Variants in PCDHA6 observed in about 807,000 individuals in gnomAD.
PCDHA6 encodes protocadherin alpha-6.
PCDHA6 carries 55 observed loss-of-function variants against 60.3 expected under a neutral mutation model. That is an observed-to-expected ratio of 0.91 (90% confidence interval 0.73 to 1.14). PCDHA6 has a LOEUF of 1.14. PCDHA6 is among the 50% of genes most tolerant of loss of function. The pLI is 0.00. For missense variants in PCDHA6, 1,327 were observed against 1,256.5 expected, an observed-to-expected ratio of 1.06 and a Z score of -0.85; for synonymous variants, 652 against 557.9, an observed-to-expected ratio of 1.17 and a Z score of -2.38.
At chr5:140,968,886 A>G in intron 1 of PCDHA6, 1 of 1,614,186 alleles carries the variant, frequency 6.2e-7, no homozygotes, top group Non-Finnish European at 8.5e-7. Context: ...ATTACCCTTT[A>G]TCTAATAATA....
rs782079622 is a variant in PCDHA6, at chr5:140,830,671, A to T, written c.2394+186A>T. On this transcript the variant is annotated intron_variant, in intron 1 of 3. Coordinates refer to ENST00000529310, the MANE Select transcript of PCDHA6 (RefSeq NM_018909.4). ...TAATATTCATAATTTAAGTGAAATTAGAAATCACTGTCCACAATCTGCACC... is the reference window on the plus strand; with the variant it reads ...TAATATTCATAATTTAAGTGAAATTTGAAATCACTGTCCACAATCTGCACC... 15 of 371,800 alleles carry T rather than the reference A, an allele frequency of 4.0e-5. 1 individual carries two copies. The highest frequency in any genetic ancestry group is 6.2e-5 in the Non-Finnish European group (14 of 224,206). 23.0% of individuals were successfully genotyped at this position (371,800 alleles called of 1,614,324 possible).
At position 140,829,180 on chromosome 5, in the gene PCDHA6, T is replaced by C; in HGVS notation, c.1089T>C (p.Ala363=). The C allele has an allele frequency of 1.2e-6, 2 of 1,614,192 alleles. No homozygotes were observed. Among genetic ancestry groups the C allele is most frequent in the Non-Finnish European group, 1.7e-6 (2 of 1,180,022 alleles). Residue 363 remains alanine (A), a synonymous_variant, in exon 1 of 4, where the codon GCT becomes GCC. Coordinates refer to ENST00000529310, the MANE Select transcript of PCDHA6 (RefSeq NM_018909.4). ...TSLSLPVRED[A]QFGTVIALIS... ...TATCCTTGCCTGTACGTGAAGACGC[T>C]CAATTTGGTACTGTCATCGCCCTAA...
At chr5:140,955,907 C>A (rs1356508512) in intron 1 of PCDHA6, among the ~76,000 whole-genome samples, 3 of 152,126 alleles carry the variant, frequency 2.0e-5, no homozygotes, top group East Asian at 3.8e-4. Flanking sequence ...CTCTTTGTAG[C>A]AATTGTGAAT....
At chr5:140,871,334 T>G (rs1554165439) in intron 1 of PCDHA6, 1 of 1,614,044 alleles carries the variant, frequency 6.2e-7, no homozygotes, top group African/African-American at 1.3e-5. Flanking sequence ...TCCCGCGCGG[T>G]GGGGAGCTGG....
chr5:140,870,186 C>T (rs1362653742), intron 1 of PCDHA6: 7 of 1,614,152 alleles, frequency 4.3e-6, no homozygotes, highest in Non-Finnish European at 5.9e-6. Flanking sequence ...TACGAGAGGA[C>T]GCTCAGCCCA....
chr5:140,842,778 A>G lies in PCDHA6; in HGVS notation c.2394+12293A>G, dbSNP rs2150344056. 1.9e-5 allele frequency: 31 copies of G among 1,594,532 alleles called. No homozygotes were observed. The East Asian group carries it at 6.7e-4, about 34-fold the overall frequency. ...TCTGCGCGAGACGCGGACGCGCAGG[A>G]GAACGCGCTGGTGTCCTACTCGCTT... is the stretch of plus-strand genomic sequence containing the variant. On this transcript the variant is annotated intron_variant, in intron 1 of 3. Coordinates refer to ENST00000529310, the MANE Select transcript of PCDHA6 (RefSeq NM_018909.4).
At chr5:140,850,385 G>A (rs2150481955) in intron 1 of PCDHA6, 4 of 1,598,006 alleles carry the variant, frequency 2.5e-6, no homozygotes, top group South Asian at 1.1e-5. Flanking sequence ...ACACGGGCGA[G>A]ATCAGCACAA....
chr5:140,912,445 A>C (rs1165607499), intron 1 of PCDHA6, among the ~76,000 whole-genome samples: 1 of 151,772 alleles, frequency 6.6e-6, no homozygotes, highest in African/African-American at 2.4e-5. Flanking sequence ...ATTTGTGTGC[A>C]TTGATTTTGT....
At chr5:140,876,524 T>A in intron 1 of PCDHA6, 1 of 1,614,136 alleles carries the variant, frequency 6.2e-7, no homozygotes, top group Non-Finnish European at 8.5e-7. Flanking sequence ...CCTGAAGTAA[T>A]GGTTACTTCA....
chr5:140,834,264 C>G lies in PCDHA6; in HGVS notation c.2394+3779C>G. ...TCGCACTGGAAAGACGCTCCACTCT[C>G]TTTCACTCTTTGGATGCACAACAAT... On this transcript the variant is annotated intron_variant, in intron 1 of 3. Transcript: ENST00000529310. The G allele has an allele frequency of 6.9e-6, 7 of 1,010,524 alleles. No individual in the cohort carries two copies. In the South Asian group the frequency reaches 9.7e-5, roughly 14 times the overall value. The allele number at this position is 1,010,524 out of a possible 1,614,324, so 62.6% of individuals were successfully genotyped here. A position where few individuals can be genotyped will look rare whatever the true frequency, so the allele number is the denominator to read the frequency against.
At chr5:140,870,938 C>G in intron 1 of PCDHA6, 1 of 1,613,724 alleles carries the variant, frequency 6.2e-7, no homozygotes, top group Non-Finnish European at 8.5e-7. Flanking sequence ...GAATTGCAGC[C>G]GGCGGCGGGC....
chr5:140,853,597 G>A lies in PCDHA6; in HGVS notation c.2394+23112G>A, dbSNP rs2042800183. 3.0e-6 allele frequency: 3 copies of A among 986,998 alleles called. 1 individual carries two copies. The highest frequency in any genetic ancestry group is 3.7e-6 in the Non-Finnish European group (3 of 819,142). The allele number at this position is 986,998 out of a possible 1,614,324, so 61.1% of individuals were successfully genotyped here. A position where few individuals can be genotyped will look rare whatever the true frequency, so the allele number is the denominator to read the frequency against. On this transcript the variant is annotated intron_variant, in intron 1 of 3. Transcript: ENST00000529310. ...ACCCAATATCTTAGACACTTTGAGA[G>A]CAAAGGGGGTGCTGTAAATAAGTAT... is the stretch of plus-strand genomic sequence containing the variant.
chr5:140,959,834 G>A (rs1223310946), intron 1 of PCDHA6, among the ~76,000 whole-genome samples: 1 of 152,144 alleles, frequency 6.6e-6, no homozygotes, highest in African/African-American at 2.4e-5. Context: ...AATGTATTAT[G>A]CCTGTAACTG....
intron 3 of PCDHA6, among the ~76,000 whole-genome samples, chr5:140,988,499 C>CTT (rs2097300398): frequency 6.6e-6 from 1 of 152,138 alleles, no homozygotes; most frequent in Non-Finnish European, 1.5e-5. Context: ...CTAGGAGAAG[C>CTT]CATGAAGCTT....
chr5:140,871,489 G>C (rs782277615), intron 1 of PCDHA6: 1 of 1,590,138 alleles, frequency 6.3e-7, no homozygotes, highest in Non-Finnish European at 8.6e-7. Context: ...AAATCACCCC[G>C]GACAGGTGAG....
chr5:140,928,981 G>A, intron 1 of PCDHA6: 1 of 1,613,802 alleles, frequency 6.2e-7, no homozygotes, highest in Non-Finnish European at 8.5e-7. Context: ...TTTATTTCTG[G>A]GGTGCTTACT....
chr5:140,857,730 C>A (rs782671299), intron 1 of PCDHA6: 1 of 1,597,474 alleles, frequency 6.3e-7, no homozygotes, highest in Admixed American at 1.7e-5. Context: ...AACGACAACG[C>A]TCCCGCGCTG....
In PCDHA6 at chr5:140,838,535, A is replaced by G. The variant is rs1417451596; in HGVS notation, c.2394+8050A>G. On this transcript the variant is annotated intron_variant, in intron 1 of 3. Transcript: ENST00000529310. ...ATTTGCATCTTATTTTCTTTTATGG[A>G]TATATCATGATTTATTCATCCAGTA... 2.0e-5 allele frequency among the ~76,000 whole-genome samples: 3 copies of G among 151,550 alleles called. No homozygotes were observed. The East Asian group carries it at 5.8e-4, about 29-fold the overall frequency.
chr5:140,931,304 G>A (rs1218460625), intron 1 of PCDHA6, among the ~76,000 whole-genome samples: 13 of 152,056 alleles, frequency 8.5e-5, no homozygotes, highest in Non-Finnish European at 1.9e-4. Context: ...CAAAAAGAGA[G>A]GAGAATACCA....
Sources: allele counts gnomAD v4.1 joint callset (sites outside exome capture counted in the v4.1 genomes callset), GRCh38; gene constraint gnomAD v4.1.1; transcripts MANE v1.5; gene names NCBI Gene and HGNC (gene_info 2026-07-23, HGNC 2026-07-21).